PTPRD: variants seen among roughly 807,000 people sequenced by gnomAD.
PTPRD encodes the protein receptor-type tyrosine-protein phosphatase delta.
In PTPRD, 34 loss-of-function variants were observed where a neutral mutation model predicts 214.5. That is an observed-to-expected ratio of 0.16 (90% CI 0.12 to 0.21). The LOEUF (loss-of-function observed/expected upper bound fraction) is 0.21, where lower values mean the gene tolerates loss of function less well. Ranked by LOEUF, PTPRD falls within the 10% of genes least tolerant of loss-of-function variation. The pLI is 1.00. For missense variants in PTPRD, 2,545 were observed against 2,398.7 expected (o/e 1.06, Z -1.27); for synonymous variants, 1,128 against 845.7 (o/e 1.33, Z -5.79).
chr9:8,332,552 G>C (rs1320380851), intron 43 of PTPRD, among the ~76,000 whole-genome samples: 2 of 151,518 alleles, frequency 1.3e-5, no homozygotes, highest in Non-Finnish European at 1.5e-5. Flanking sequence ...AGAAAAAAAA[G>C]CCAGATTGAA....
At chr9:10,218,308 C>G (rs1564595567) in intron 3 of PTPRD, among the ~76,000 whole-genome samples, 1 of 151,914 alleles carries the variant, frequency 6.6e-6, no homozygotes, top group South Asian at 2.1e-4. Flanking sequence ...ATCTATCTCA[C>G]CTGTACCTAC....
At chr9:10,320,599 A>G (rs1045983609) in intron 3 of PTPRD, among the ~76,000 whole-genome samples, 1 of 152,086 alleles carries the variant, frequency 6.6e-6, no homozygotes, top group Non-Finnish European at 1.5e-5. Context: ...TAACCCTGCA[A>G]TATGAGAGGT....
chr9:9,742,024 T>G (rs1224813220), intron 6 of PTPRD, among the ~76,000 whole-genome samples: 4 of 152,232 alleles, frequency 2.6e-5, no homozygotes, highest in African/African-American at 9.6e-5. Flanking sequence ...CTTTGAGGAA[T>G]AGCCACACTG....
chr9:8,514,821 T>C (rs1429882914), intron 21 of PTPRD, among the ~76,000 whole-genome samples: 1 of 152,162 alleles, frequency 6.6e-6, no homozygotes, highest in Non-Finnish European at 1.5e-5. Flanking sequence ...AATCCCCATG[T>C]GTCAAAGAAG....
intron 37 of PTPRD, among the ~76,000 whole-genome samples, chr9:8,384,931 G>C (rs1035866720): frequency 6.6e-6 from 1 of 152,184 alleles, no homozygotes; most frequent in Admixed American, 6.5e-5. Context: ...CAGGCAAAGA[G>C]TCTTCTCAGT....
At position 8,316,311 on chromosome 9, in the gene PTPRD, G is replaced by T. The variant is rs772334766; in HGVS notation, c.*1563C>A. On this transcript the variant is annotated 3_prime_UTR_variant, in exon 46 of 46. Coordinates refer to ENST00000381196, the MANE Select transcript of PTPRD (RefSeq NM_002839.4). ...GGAAATACGAACCAAAAGCTAAAAA[G>T]AAATGCTATTAAAATAGGCATCAAT... The T allele has an allele frequency of 4.3e-6, 1 of 230,912 alleles. No individual in the cohort carries two copies. The highest frequency in any genetic ancestry group is 2.2e-5 in the African/African-American group (1 of 45,150). 14.3% of individuals were successfully genotyped at this position (230,912 alleles called of 1,614,324 possible). A position where few individuals can be genotyped will look rare whatever the true frequency, so the allele number is the denominator to read the frequency against.
intron 2 of PTPRD, among the ~76,000 whole-genome samples, chr9:10,574,317 C>G (rs917268882): frequency 6.6e-6 from 1 of 151,894 alleles, no homozygotes; most frequent in African/African-American, 2.4e-5. Flanking sequence ...GAGATTCTAT[C>G]CAGGTTGTCA....
intron 5 of PTPRD, among the ~76,000 whole-genome samples, chr9:9,778,271 C>T (rs1012817365): frequency 6.6e-6 from 1 of 152,072 alleles, no homozygotes; most frequent in African/African-American, 2.4e-5. Flanking sequence ...GGGGTGAGTG[C>T]AGGAACTAAG....
intron 2 of PTPRD, among the ~76,000 whole-genome samples, chr9:10,361,032 G>A (rs1377277366): frequency 6.6e-6 from 1 of 152,114 alleles, no homozygotes. Context: ...AACACGGGAG[G>A]CGGAGCTTGT....
rs1334290420 is a variant in PTPRD, at chr9:8,964,190, G to GTTTTTTTTTTTTTTTTTTTTTTTTT, written c.-104+54506_-104+54507insAAAAAAAAAAAAAAAAAAAAAAAAA. The stretch of plus-strand genomic sequence containing the variant: ...CTGTGAATCTATCTAGTTCAGGGCT[G>GTTTTTTTTTTTTTTTTTTTTTTTTT]TGTTTTTTTTTTTTTTTTTTTTTTT... On this transcript the variant is annotated intron_variant, in intron 11 of 45. Coordinates refer to ENST00000381196, the MANE Select transcript of PTPRD (RefSeq NM_002839.4). Among the ~76,000 whole-genome samples, 22 of 52,954 alleles carry GTTTTTTTTTTTTTTTTTTTTTTTTT rather than the reference G, an allele frequency of 4.2e-4. 5 individuals carry two copies. The South Asian group carries it at 5.0e-3, about 12-fold the overall frequency. 34.7% of individuals were successfully genotyped at this position (52,954 alleles called of 152,430 possible).
At chr9:9,987,619 C>G (rs1371467388) in intron 4 of PTPRD, among the ~76,000 whole-genome samples, 1 of 152,082 alleles carries the variant, frequency 6.6e-6, no homozygotes, top group Non-Finnish European at 1.5e-5. Context: ...GTTAGCCAAA[C>G]CATATCTAAT....
intron 2 of PTPRD, among the ~76,000 whole-genome samples, chr9:10,550,557 AT>A (rs1847759158): frequency 6.6e-6 from 1 of 152,184 alleles, no homozygotes; most frequent in African/African-American, 2.4e-5. Context: ...CTACCTCAGA[AT>A]TACCACACTG....
At chr9:9,480,644 C>T (rs995193585) in intron 8 of PTPRD, among the ~76,000 whole-genome samples, 2 of 151,878 alleles carry the variant, frequency 1.3e-5, no homozygotes, top group Non-Finnish European at 2.9e-5. Context: ...TATATTTTTT[C>T]AAATACATGA....
rs919721849 is a variant in PTPRD at position 8,318,001 on chromosome 9, G to GAAAAAT, written c.5671-65_5671-60dup. ...AAGGGACCATGAGCATATTTTAATA[G>GAAAAAT]AAAAATAAAAATCAATATTGCATAA... On this transcript the variant is annotated intron_variant, in intron 45 of 45. Transcript: ENST00000381196. 41 of 1,516,622 alleles carry GAAAAAT rather than the reference G, an allele frequency of 2.7e-5. 1 individual carries two copies. The African/African-American group carries it at 3.9e-4, about 14-fold the overall frequency. 93.9% of individuals were successfully genotyped at this position (1,516,622 alleles called of 1,614,324 possible).
chr9:9,490,346 G>A (rs1298014309), intron 8 of PTPRD, among the ~76,000 whole-genome samples: 1 of 151,996 alleles, frequency 6.6e-6, no homozygotes, highest in Admixed American at 6.6e-5. Context: ...TAAATATATA[G>A]GCAATTATAA....
At chr9:8,359,127 A>C (rs866127401) in intron 39 of PTPRD, among the ~76,000 whole-genome samples, 1,678 of 124,742 alleles carry the variant, frequency 0.013, 139 homozygotes, top group Middle Eastern at 0.04. Context: ...AAAAAACAAA[A>C]AAAAAAAAAA....
chr9:9,140,554 G>A (rs1470784233), intron 10 of PTPRD, among the ~76,000 whole-genome samples: 1 of 152,324 alleles, frequency 6.6e-6, no homozygotes. Flanking sequence ...GGATTGGAAA[G>A]CCACTGTGAC....
chr9:9,290,289 A>G (rs967779880), intron 9 of PTPRD, among the ~76,000 whole-genome samples: 4 of 151,722 alleles, frequency 2.6e-5, no homozygotes, highest in Admixed American at 2.6e-4. Context: ...GTCCTTTGCT[A>G]ATTTTTAAAT....
At chr9:8,477,297 C>T (rs1000472452) in intron 30 of PTPRD, among the ~76,000 whole-genome samples, 4 of 152,092 alleles carry the variant, frequency 2.6e-5, no homozygotes, top group African/African-American at 9.7e-5. Flanking sequence ...ATCAATATAT[C>T]TGGAAAGCCC....
Sources: gnomAD v4.1 joint callset for allele counts (sites outside exome capture counted in the v4.1 genomes callset) on GRCh38, gnomAD v4.1.1 for gene constraint, MANE v1.5 for transcripts, NCBI Gene and HGNC (gene_info 2026-07-23, HGNC 2026-07-21) for gene names.